Variants in PRTG observed in about 807,000 individuals in gnomAD.
The protein encoded by PRTG is immunoglobulin superfamily, DCC subclass, member 5.
PRTG carries 67 observed loss-of-function variants against 122.5 expected under a neutral mutation model. That is an observed-to-expected ratio of 0.55 (90% CI 0.45 to 0.67). The LOEUF is 0.67. Among genes scored for constraint, PRTG ranks in the 30% least tolerant of loss-of-function variants. PRTG has a pLI of 0.00. For missense variants in PRTG, 1,435 were observed against 1,415.4 expected, an observed-to-expected ratio of 1.01 and a Z score of -0.22; for synonymous variants, 554 against 501.1, an observed-to-expected ratio of 1.11 and a Z score of -1.41.
chr15:55,737,346 A>G (rs2031444315), intron 2 of PRTG, among the ~76,000 whole-genome samples: 1 of 152,222 alleles, frequency 6.6e-6, no homozygotes, highest in South Asian at 2.1e-4. Context: ...TCTTTTAAAA[A>G]TGGGATGCCT....
chr15:55,676,846 C>A (rs2059505555), intron 8 of PRTG, among the ~76,000 whole-genome samples: 1 of 152,186 alleles, frequency 6.6e-6, no homozygotes, highest in Admixed American at 6.5e-5. Flanking sequence ...AGTTATCAGA[C>A]TTTCATTCTT....
chr15:55,738,002 CTATATATA>C (rs1178371931), intron 2 of PRTG, among the ~76,000 whole-genome samples: 330 of 96,632 alleles, frequency 3.4e-3, no homozygotes, highest in Middle Eastern at 5.7e-3. Flanking sequence ...CTCTCTCTCT[CTATATATA>C]TATATATATA....
intron 15 of PRTG, among the ~76,000 whole-genome samples, chr15:55,633,334 C>T (rs960192344): frequency 3.3e-5 from 5 of 152,134 alleles, no homozygotes; most frequent in African/African-American, 1.2e-4. Context: ...CTCAGCCTCC[C>T]GAGTAGCTGG....
At chr15:55,712,093 G>T (rs2141855699) in intron 2 of PRTG, among the ~76,000 whole-genome samples, 1 of 152,316 alleles carries the variant, frequency 6.6e-6, no homozygotes, top group Non-Finnish European at 1.5e-5. Context: ...AAGCAATGAA[G>T]GCATCCCCAG....
At chr15:55,727,746 A>C (rs1351854115) in intron 2 of PRTG, among the ~76,000 whole-genome samples, 1 of 152,190 alleles carries the variant, frequency 6.6e-6, no homozygotes, top group Non-Finnish European at 1.5e-5. Flanking sequence ...CAGTGAGCCA[A>C]GATGGCGCCA....
In PRTG at chr15:55,615,798, C is replaced by G. The variant is rs1425724190; in HGVS notation, c.*4214G>C. 6.6e-6 allele frequency: 1 copy of G among 152,034 alleles called. No individual in the cohort carries two copies. The highest frequency in any genetic ancestry group is 1.5e-5 in the Non-Finnish European group (1 of 67,972). 9.4% of individuals were successfully genotyped at this position (152,034 alleles called of 1,614,324 possible). The stretch of plus-strand genomic sequence containing the variant: ...GTATATAAGTGAACCACTATAGCTA[C>G]TGCTGAAGTGAAACCACATCTGGGT... On this transcript the variant is annotated 3_prime_UTR_variant, in exon 20 of 20. Transcript: ENST00000389286.
intron 15 of PRTG, among the ~76,000 whole-genome samples, chr15:55,634,774 A>C (rs1454980951): frequency 6.6e-6 from 1 of 151,856 alleles, no homozygotes; most frequent in Non-Finnish European, 1.5e-5. Flanking sequence ...CCCAGGAGGA[A>C]GAGGTTACAG....
In PRTG at chr15:55,624,241, T is replaced by C. The variant is rs186875842; in HGVS notation, c.3093+101A>G. 7.0e-4 allele frequency: 687 copies of C among 982,158 alleles called. 4 individuals carry two copies. The African/African-American group carries it at 0.01, about 15-fold the overall frequency. 60.8% of individuals were successfully genotyped at this position (982,158 alleles called of 1,614,324 possible). ...AATATTTCATTAATAAGAGTATTGG[T>C]ATAATACATTCAACATACAATTTTG... is the stretch of plus-strand genomic sequence containing the variant. On this transcript the variant is annotated intron_variant, in intron 18 of 19. Coordinates refer to ENST00000389286, the MANE Select transcript of PRTG (RefSeq NM_173814.6).
rs1434583110 is a variant in PRTG at position 55,641,139 on chromosome 15, T to G, written c.2111A>C (p.Gln704Pro). Reference sequence around the variant, plus strand: ...CACGCATCCTGGAGTGCTGACAGTCTGATCTGCCTGATAGCCATCGTCTAT... The same window carrying G: ...CACGCATCCTGGAGTGCTGACAGTCGGATCTGCCTGATAGCCATCGTCTAT... ...NNIDDGYQAD[Q>P]TVSTPGCVSV... The change falls in exon 12 of 20, where the codon CAG becomes CCG. Residue 704 changes from glutamine (Q) to proline (P), a missense_variant. By Grantham distance (76) the Gln-to-Pro change is moderately conservative (BLOSUM62 -1). Coordinates refer to ENST00000389286, the MANE Select transcript of PRTG (RefSeq NM_173814.6). 6.2e-7 allele frequency: 1 copy of G among 1,613,806 alleles called. No individual in the cohort carries two copies. Among genetic ancestry groups the G allele is most frequent in the East Asian group, 2.2e-5 (1 of 44,876 alleles).
At chr15:55,694,344 C>A (rs1003752424) in intron 2 of PRTG, among the ~76,000 whole-genome samples, 1 of 152,084 alleles carries the variant, frequency 6.6e-6, no homozygotes, top group African/African-American at 2.4e-5. Flanking sequence ...TCTACTGTTA[C>A]TCCACTGCTT....
intron 11 of PRTG, among the ~76,000 whole-genome samples, chr15:55,653,663 C>G (rs1567084703): frequency 6.6e-6 from 1 of 152,066 alleles, no homozygotes; most frequent in Non-Finnish European, 1.5e-5. Context: ...GGGGTTTTGC[C>G]CTGTTAGCCA....
rs772796778 is a variant in PRTG at position 55,620,183 on chromosome 15, G to A, written c.3282C>T (p.Ser1094=). Residue 1094 remains serine (S), a synonymous_variant, in exon 20 of 20, where the codon TCC becomes TCT. Transcript: ENST00000389286. ...TTGAGAAGCTGGTTGTCTGACCTGG[G>A]GAGCTAGGGGAGTCTTCATCACTGA... The part of the protein sequence containing the change: ...VLISDEDSPS[S]PGQTTSFSRP... 3 of 1,614,198 alleles carry A rather than the reference G, an allele frequency of 1.9e-6. No individual in the cohort carries two copies. Among genetic ancestry groups the A allele is most frequent in the Non-Finnish European group, 2.5e-6 (3 of 1,180,032 alleles).
rs1407396528 is a variant in PRTG, at chr15:55,620,744, A to T, written c.3117T>A (p.Asn1039Lys). ...DAKGGTDLII[N>K]SYGPIIKNNS... Reference sequence around the variant, plus strand: ...TGTTTTTAATTATAGGACCATAGCTATTAATTATCAGGTCAGTTCCTCCCT... The same window carrying T: ...TGTTTTTAATTATAGGACCATAGCTTTTAATTATCAGGTCAGTTCCTCCCT... The change falls in exon 19 of 20, where the codon AAT (asparagine) becomes AAA (lysine). Residue 1039 changes from asparagine (N) to lysine (K), a missense_variant. Asn to Lys is a moderately conservative substitution (Grantham distance 94). Transcript: ENST00000389286. 3 of 1,596,884 alleles carry T rather than the reference A, an allele frequency of 1.9e-6. No homozygotes were observed. The South Asian group carries it at 3.5e-5, about 18-fold the overall frequency.
At chr15:55,706,014 A>ATTTTTTTTTTTTTTT (rs56275705) in intron 2 of PRTG, among the ~76,000 whole-genome samples, 117 of 94,328 alleles carry the variant, frequency 1.2e-3, no homozygotes, top group Middle Eastern at 7.9e-3. Context: ...TGCCCAGCTA[A>ATTTTTTTTTTTTTTT]TTTTTTTTTT....
chr15:55,742,860 C>A lies in PRTG; in HGVS notation c.72G>T (p.Leu24=). The part of the protein sequence containing the change: ...PGMLLRALLL[L]LLLSPLPGVW... The stretch of plus-strand genomic sequence containing the variant: ...CACCTGGCAAAGGACTGAGCAGCAG[C>A]AGGAGCAGGAGCGCGCGGAGCAGCA... Residue 24 remains leucine (L), a synonymous_variant, in exon 1 of 20, where the codon CTG becomes CTT. Transcript: ENST00000389286. 1.3e-6 allele frequency: 2 copies of A among 1,537,508 alleles called. No homozygotes were observed. The highest frequency in any genetic ancestry group is 1.8e-6 in the Non-Finnish European group (2 of 1,140,868).
intron 11 of PRTG, 69 bp downstream of exon 11, chr15:55,672,376 C>A: frequency 8.0e-7 from 1 of 1,246,962 alleles, no homozygotes; most frequent in Non-Finnish European, 1.1e-6. Flanking sequence ...TGCTTTAGAT[C>A]CAATAACTTT....
chr15:55,683,357 A>ATG lies in PRTG; in HGVS notation c.542+428_542+429dup, dbSNP rs542218483. 3.6e-3 allele frequency among the ~76,000 whole-genome samples: 553 copies of ATG among 152,258 alleles called. 2 individuals carry two copies. Among genetic ancestry groups the ATG allele is most frequent in the Admixed American group, 5.7e-3 (87 of 15,290 alleles). On this transcript the variant is annotated intron_variant, in intron 3 of 19. Coordinates refer to ENST00000389286, the MANE Select transcript of PRTG (RefSeq NM_173814.6). ...CGCCCGCAGAACACTAGATGTGTGC[A>ATG]TGTGTGCTTGTGTGTGCATTTGTAG...
intron 2 of PRTG, among the ~76,000 whole-genome samples, chr15:55,717,794 T>TA (rs2030653871): frequency 1.3e-5 from 2 of 152,314 alleles, no homozygotes; most frequent in Admixed American, 6.5e-5. Context: ...AATTTTTCTT[T>TA]AAAAAAACAC....
At chr15:55,625,241 C>G (rs2059188202) in intron 17 of PRTG, among the ~76,000 whole-genome samples, 1 of 152,000 alleles carries the variant, frequency 6.6e-6, no homozygotes, top group Non-Finnish European at 1.5e-5. Flanking sequence ...AAAAATTTAG[C>G]CAAAGTCAAT....
Sources: allele counts gnomAD v4.1 joint callset (sites outside exome capture counted in the v4.1 genomes callset), GRCh38; gene constraint gnomAD v4.1.1; transcripts MANE v1.5; gene names NCBI Gene and HGNC (gene_info 2026-07-23, HGNC 2026-07-21).